The following MYLK4 variants were observed in gnomAD, a reference collection of about 807,000 sequenced individuals.
MYLK4 encodes the protein caMLCK like.
Under a neutral mutation model 48.1 loss-of-function variants are expected in MYLK4, and 46 were observed. The observed-to-expected ratio is 0.96, with a 90% CI of 0.75 to 1.22. MYLK4 has a LOEUF of 1.22. Among genes scored for constraint, MYLK4 ranks in the 50% most tolerant of loss-of-function variants. The pLI, the probability that MYLK4 is intolerant of heterozygous loss-of-function variation, is 0.00. For synonymous variants in MYLK4, 170 were observed against 180.8 expected, an observed-to-expected ratio of 0.94 and a Z score of 0.48; for missense variants, 451 against 486.1, an observed-to-expected ratio of 0.93 and a Z score of 0.68.
At chr6:2,718,535 C>T (rs948517583) in intron 2 of MYLK4, among the ~76,000 whole-genome samples, 1 of 152,138 alleles carries the variant, frequency 6.6e-6, no homozygotes, top group African/African-American at 2.4e-5. Flanking sequence ...GCAGGAAAAG[C>T]AGATATGGTA....
At chr6:2,726,387 C>T (rs1358831988) in intron 2 of MYLK4, among the ~76,000 whole-genome samples, 9 of 152,134 alleles carry the variant, frequency 5.9e-5, no homozygotes, top group Non-Finnish European at 7.3e-5. Context: ...GACTGTTAGG[C>T]GAGTAGCTGG....
intron 1 of MYLK4, among the ~76,000 whole-genome samples, chr6:2,750,023 G>T (rs558194980): frequency 6.6e-6 from 1 of 152,036 alleles, no homozygotes; most frequent in East Asian, 1.9e-4. Flanking sequence ...TACTTTCCTC[G>T]CAAATGAAGT....
chr6:2,748,410 C>A (rs1288927322), intron 2 of MYLK4, among the ~76,000 whole-genome samples: 1 of 152,214 alleles, frequency 6.6e-6, no homozygotes, highest in African/African-American at 2.4e-5. Context: ...GATGCTCCCA[C>A]CGGGCAAGGA....
chr6:2,726,200 A>T (rs1763267275), intron 2 of MYLK4, among the ~76,000 whole-genome samples: 1 of 152,234 alleles, frequency 6.6e-6, no homozygotes, highest in Admixed American at 6.5e-5. Context: ...TACTGTTATT[A>T]AAGTCCAAAG....
rs1449422908 is a variant in MYLK4 at position 2,685,274 on chromosome 6, AG to A, written c.545+21del. Reference sequence around the variant, plus strand: ...ATGAGTGCCCTTGGGGAGGTCAGGGAGGGGGCGGAGGGGATACGTACTACTC... The same window carrying A: ...ATGAGTGCCCTTGGGGAGGTCAGGGAGGGGCGGAGGGGATACGTACTACTC... On this transcript the variant is annotated intron_variant, in intron 6 of 12. Transcript: ENST00000274643. The surrounding 1 kb of genome is among the most constrained non-coding windows in gnomAD (Gnocchi z 4.5). The A allele has an allele frequency of 1.9e-6, 3 of 1,567,794 alleles. No individual in the cohort carries two copies. The highest frequency in any genetic ancestry group is 1.1e-5 in the South Asian group (1 of 90,060).
rs1344095064 is a variant in MYLK4, at chr6:2,665,824, T to C, written c.*2101A>G. The C allele has an allele frequency of 4.6e-5, 7 of 152,204 alleles. No homozygotes were observed. Among genetic ancestry groups the C allele is most frequent in the Non-Finnish European group, 4.4e-5 (3 of 68,042 alleles). The allele number at this position is 152,204 out of a possible 1,614,324, so 9.4% of individuals were successfully genotyped here. A position where few individuals can be genotyped will look rare whatever the true frequency, so the allele number is the denominator to read the frequency against. The stretch of plus-strand genomic sequence containing the variant: ...TCTCTGCGGTCTAACTAAGTATTAA[T>C]GCATGCACTGGCTTGTATTTTTCCA... On this transcript the variant is annotated 3_prime_UTR_variant, in exon 13 of 13. Coordinates refer to ENST00000274643, the MANE Select transcript of MYLK4 (RefSeq NM_001012418.5).
the MYLK4 span, chr6:2,768,700 G>A: frequency 1.2e-6 from 2 of 1,609,292 alleles, no homozygotes; most frequent in South Asian, 1.1e-5. Flanking sequence ...GACCACTCTG[G>A]CTCACATCAT....
intron 2 of MYLK4, among the ~76,000 whole-genome samples, chr6:2,695,785 T>G (rs1762036187): frequency 6.6e-6 from 1 of 152,244 alleles, no homozygotes; most frequent in Admixed American, 6.5e-5. Context: ...ATTTTTACTT[T>G]GTATTTCTAA....
In MYLK4 at chr6:2,685,528, C is replaced by G; in HGVS notation, c.390G>C (p.Leu130=). ...VHKCEETATG[L]KLAAKIIKTR... is the part of the protein sequence containing the mutation. ...TCTTGATGATTTTGGCTGCCAGCTT[C>G]AGACCTGTGGCCGTCTCCTCACACT... Residue 130 remains leucine, a synonymous_variant, in exon 5 of 13, where the codon CTG becomes CTC. Coordinates refer to ENST00000274643, the MANE Select transcript of MYLK4 (RefSeq NM_001012418.5). The surrounding 1 kb of genome is among the most constrained non-coding windows in gnomAD (Gnocchi z 4.5). 6.2e-7 allele frequency: 1 copy of G among 1,614,170 alleles called. No homozygotes were observed. Among genetic ancestry groups the G allele is most frequent in the Non-Finnish European group, 8.5e-7 (1 of 1,180,022 alleles).
rs563271624 is a variant in MYLK4 at position 2,743,731 on chromosome 6, A to G, written c.159+5405T>C. On this transcript the variant is annotated intron_variant, in intron 2 of 12. Coordinates refer to ENST00000274643, the MANE Select transcript of MYLK4 (RefSeq NM_001012418.5). The stretch of plus-strand genomic sequence containing the variant: ...CCCCAAAAGTTGGTGCAAGTGTTTG[A>G]AATGTGCCACATGCCACTATTATTA... Among the ~76,000 whole-genome samples, 8 of 152,334 alleles carry G rather than the reference A, an allele frequency of 5.3e-5. No homozygotes were observed. The South Asian group carries it at 1.7e-3, about 32-fold the overall frequency.
intron 2 of MYLK4, among the ~76,000 whole-genome samples, chr6:2,725,515 CAG>C (rs953907225): frequency 1.5e-5 from 2 of 135,086 alleles, no homozygotes; most frequent in South Asian, 2.3e-4. Flanking sequence ...GAGAGAGAGA[CAG>C]AGAGAGAGAA....
the MYLK4 span, among the ~76,000 whole-genome samples, chr6:2,756,078 AC>A: frequency 6.6e-6 from 1 of 152,222 alleles, no homozygotes; most frequent in Non-Finnish European, 1.5e-5. Context: ...ATGTTCCCCA[AC>A]AATGCATCAC....
At chr6:2,727,904 G>A (rs1444588867) in intron 2 of MYLK4, among the ~76,000 whole-genome samples, 1 of 142,830 alleles carries the variant, frequency 7.0e-6, no homozygotes, top group Non-Finnish European at 1.5e-5. Context: ...CCGAGATCAC[G>A]CCACTGCGCT....
At chr6:2,684,256 C>T (rs1761442679) in intron 6 of MYLK4, among the ~76,000 whole-genome samples, 2 of 152,056 alleles carry the variant, frequency 1.3e-5, no homozygotes, top group Admixed American at 6.6e-5. Flanking sequence ...GTGGTGGAGA[C>T]GCTGGACAAA....
intron 2 of MYLK4, among the ~76,000 whole-genome samples, chr6:2,733,632 T>C (rs1394431933): frequency 6.6e-6 from 1 of 152,164 alleles, no homozygotes; most frequent in Non-Finnish European, 1.5e-5. Context: ...TAATACGTTT[T>C]TTATTATAAG....
intron 2 of MYLK4, among the ~76,000 whole-genome samples, chr6:2,748,093 G>T (rs1221016798): frequency 3.9e-5 from 6 of 152,100 alleles, no homozygotes; most frequent in East Asian, 1.9e-4. Context: ...CTTCCTACCT[G>T]AATAGTGTTT....
At chr6:2,731,952 TC>T (rs1763492528) in intron 2 of MYLK4, among the ~76,000 whole-genome samples, 1 of 152,212 alleles carries the variant, frequency 6.6e-6, no homozygotes, top group Non-Finnish European at 1.5e-5. Context: ...AGGCAGTCAG[TC>T]TGACCATCTC....
chr6:2,764,226 T>A, the MYLK4 span, among the ~76,000 whole-genome samples: 36 of 152,232 alleles, frequency 2.4e-4, no homozygotes, highest in Non-Finnish European at 3.5e-4. Flanking sequence ...ATTAATCTTA[T>A]TTTTGAGCCT....
chr6:2,721,120 C>G (rs1174064378), intron 2 of MYLK4, among the ~76,000 whole-genome samples: 1 of 152,136 alleles, frequency 6.6e-6, no homozygotes, highest in East Asian at 1.9e-4. Context: ...AAGATCACAC[C>G]ACCGCACTCC....
Sources: gnomAD v4.1 joint callset for allele counts (sites outside exome capture counted in the v4.1 genomes callset) on GRCh38, gnomAD v4.1.1 for gene constraint, Gnocchi (gnomAD v3.1) non-coding constraint, MANE v1.5 for transcripts, NCBI Gene and HGNC (gene_info 2026-07-23, HGNC 2026-07-21) for gene names.